The following HELLS variants were observed in gnomAD, a reference collection of about 807,000 sequenced individuals.
HELLS encodes the protein helicase, lymphoid specific.
Under a neutral mutation model 120.0 loss-of-function variants are expected in HELLS, and 32 were observed. That is an observed-to-expected ratio of 0.27 (90% CI 0.20 to 0.36). The LOEUF is 0.36. Ranked by LOEUF, HELLS falls within the 10% of genes least tolerant of loss-of-function variation. The pLI is 1.00. For synonymous variants in HELLS, 341 were observed against 323.4 expected, an observed-to-expected ratio of 1.05 and a Z score of -0.58; for missense variants, 650 against 993.4, an observed-to-expected ratio of 0.65 and a Z score of 4.65.
chr10:94,609,855 C>G (rs1364884769), exon 10 of HELLS: 1 of 152,106 alleles, frequency 6.6e-6, no homozygotes, highest in Non-Finnish European at 1.5e-5. Context: ...CGTACTAGCA[C>G]TAGGGCGCAA....
chr10:94,561,989 G>A (rs1387222217), intron 4 of HELLS, among the ~76,000 whole-genome samples: 2 of 150,734 alleles, frequency 1.3e-5, no homozygotes, highest in African/African-American at 4.9e-5. Context: ...CACCATGTTA[G>A]CCAGGATGGT....
downstream of HELLS, among the ~76,000 whole-genome samples, chr10:94,602,435 A>T (rs1193160733): frequency 6.6e-6 from 1 of 152,196 alleles, no homozygotes; most frequent in Admixed American, 6.5e-5. Context: ...ATAGAACAGC[A>T]TAAAGGCCAA....
At chr10:94,561,212 TCCCCCA>T (rs1280093957) in intron 4 of HELLS, among the ~76,000 whole-genome samples, 1 of 151,982 alleles carries the variant, frequency 6.6e-6, no homozygotes, top group Non-Finnish European at 1.5e-5. Flanking sequence ...GCTTAAGCTA[TCCCCCA>T]CACCCACACC....
At chr10:94,576,943 T>C in intron 10 of HELLS, 138 bp downstream of exon 10, 1 of 691,990 alleles carries the variant, frequency 1.4e-6, no homozygotes, top group Non-Finnish European at 2.4e-6. Flanking sequence ...TGCATATACC[T>C]GTAGAAGCTG....
At chr10:94,575,181 T>A (rs1844372601) in intron 9 of HELLS, among the ~76,000 whole-genome samples, 1 of 145,316 alleles carries the variant, frequency 6.9e-6, no homozygotes, top group African/African-American at 2.5e-5. Flanking sequence ...TTCACTGCAA[T>A]CTCTGCCTCC....
In HELLS at chr10:94,574,145, A is replaced by C. The variant is rs200456784; in HGVS notation, c.663A>C (p.Gly221=). The change falls in exon 8 of 22, where the codon GGA becomes GGC. Residue 221 remains glycine, a synonymous_variant. Coordinates refer to ENST00000348459, the MANE Select transcript of HELLS (RefSeq NM_018063.5). ...AACAACCAAAGCACTTCACTGGAGG[A>C]GTGATGCGATGGTACCAAGTAGAAG... ...PFQQPKHFTG[G]VMRWYQVEGM... is the part of the protein sequence containing the mutation. 11 of 1,613,860 alleles carry C rather than the reference A, an allele frequency of 6.8e-6. No individual in the cohort carries two copies. Among genetic ancestry groups the C allele is most frequent in the Non-Finnish European group, 9.3e-6 (11 of 1,179,942 alleles).
In HELLS at chr10:94,576,644, C is replaced by T; in HGVS notation, c.889-18C>T. ...TTTTGTTCTTAAGTCTGATAAAAATCAATATAAAATTTTTCAGATCCCTAC... is the reference window on the plus strand; with the variant it reads ...TTTTGTTCTTAAGTCTGATAAAAATTAATATAAAATTTTTCAGATCCCTAC... On this transcript the variant is annotated intron_variant, in intron 9 of 21. Coordinates refer to ENST00000348459, the MANE Select transcript of HELLS (RefSeq NM_018063.5). The T allele has an allele frequency of 7.0e-7, 1 of 1,431,212 alleles. No individual in the cohort carries two copies. Among genetic ancestry groups the T allele is most frequent in the Non-Finnish European group, 9.5e-7 (1 of 1,048,000 alleles). The allele number at this position is 1,431,212 out of a possible 1,614,324, so 88.7% of individuals were successfully genotyped here.
chr10:94,585,385 G>GTTTTTTTTTTTTTTTTTTGTTTTTTTT (rs10540229), intron 12 of HELLS, among the ~76,000 whole-genome samples: 2 of 122,012 alleles, frequency 1.6e-5, no homozygotes, highest in East Asian at 2.2e-4. Flanking sequence ...GTTTGTTTTT[G>GTTTTTTTTTTTTTTTTTTGTTTTTTTT]TTTTTTTTTT....
intron 12 of HELLS, among the ~76,000 whole-genome samples, chr10:94,587,244 T>A (rs574095499): frequency 3.3e-5 from 5 of 152,208 alleles, no homozygotes; most frequent in Admixed American, 6.5e-5. Context: ...TATTAAAAAA[T>A]TTTTAATTTT....
At chr10:94,577,075 A>G (rs11188029) in intron 10 of HELLS, 7,386 of 544,004 alleles carry the variant, frequency 0.014, 277 homozygotes, top group East Asian at 0.083. Context: ...CTCGGAATGT[A>G]TTACAGATAT....
chr10:94,588,734 T>G (rs1258500823), intron 13 of HELLS, among the ~76,000 whole-genome samples: 1 of 152,226 alleles, frequency 6.6e-6, no homozygotes, highest in Non-Finnish European at 1.5e-5. Context: ...GGTGAATTTC[T>G]AACTGGGGTA....
chr10:94,584,008 T>C, intron 12 of HELLS: 1 of 694,328 alleles, frequency 1.4e-6, no homozygotes, highest in Non-Finnish European at 2.4e-6. Flanking sequence ...CTAGAATGTA[T>C]GTGTCAGAGT....
At chr10:94,596,635 A>G (rs1845754096) in intron 19 of HELLS, among the ~76,000 whole-genome samples, 1 of 152,140 alleles carries the variant, frequency 6.6e-6, no homozygotes, top group East Asian at 1.9e-4. Flanking sequence ...CCTTGATCTT[A>G]GGGAGGGTGC....
intron 6 of HELLS, among the ~76,000 whole-genome samples, chr10:94,567,033 C>T (rs926357959): frequency 1.3e-5 from 2 of 152,112 alleles, no homozygotes; most frequent in Non-Finnish European, 2.9e-5. Flanking sequence ...TTTTCCTCTT[C>T]GCCTAACTAA....
intron 19 of HELLS, among the ~76,000 whole-genome samples, chr10:94,595,298 T>G (rs552469762): frequency 6.6e-6 from 1 of 152,196 alleles, no homozygotes; most frequent in Admixed American, 6.5e-5. Context: ...GAGCCTAAAC[T>G]AAGTTGGTCA....
At chr10:94,550,405 A>C (rs573100496) in intron 2 of HELLS, among the ~76,000 whole-genome samples, 3 of 152,146 alleles carry the variant, frequency 2.0e-5, no homozygotes, top group African/African-American at 7.2e-5. Flanking sequence ...CAGCCTCCCA[A>C]GTAGCTAGGA....
At chr10:94,582,361 A>C (rs1417337944) in intron 11 of HELLS, among the ~76,000 whole-genome samples, 1 of 152,164 alleles carries the variant, frequency 6.6e-6, no homozygotes, top group Non-Finnish European at 1.5e-5. Context: ...TTTTTTGAAC[A>C]TGCTTCTGGT....
intron 15 of HELLS, 55 bp from the exon 16 acceptor site, chr10:94,592,174 A>T: frequency 7.3e-7 from 1 of 1,366,858 alleles, no homozygotes; most frequent in Non-Finnish European, 1.0e-6. Context: ...CTTTTGTTTT[A>T]ACAAAGCAAA....
chr10:94,589,794 C>A (rs776475785), intron 13 of HELLS, among the ~76,000 whole-genome samples: 7 of 147,156 alleles, frequency 4.8e-5, no homozygotes, highest in Non-Finnish European at 7.4e-5. Flanking sequence ...TCATGCCATT[C>A]TCCTGCCTCA....
Sources: gnomAD v4.1 joint callset for allele counts (sites outside exome capture counted in the v4.1 genomes callset) on GRCh38, gnomAD v4.1.1 for gene constraint, MANE v1.5 for transcripts, NCBI Gene and HGNC (gene_info 2026-07-23, HGNC 2026-07-21) for gene names.